RAI2: variants seen among roughly 807,000 people sequenced by gnomAD.
RAI2 encodes the protein retinoic acid induced 2, also known as retinoic acid-induced protein 2.
RAI2 carries 5 observed loss-of-function variants against 15.3 expected under a neutral mutation model. The observed-to-expected ratio is 0.33, with a 90% CI of 0.17 to 0.69. The LOEUF is 0.69. RAI2 is among the 30% of genes least tolerant of loss of function. RAI2 has a pLI of 0.69. For missense variants in RAI2, 424 were observed against 424.7 expected (o/e 1.00, Z 0.01); for synonymous variants, 191 against 184.0 (o/e 1.04, Z -0.31).
intron 1 of RAI2, among the ~76,000 whole-genome samples, chrX:17,836,156 C>T (rs2067332075): frequency 9.1e-6 from 1 of 110,391 alleles, no homozygotes; most frequent in African/African-American, 3.3e-5. Flanking sequence ...ACATGTCTAT[C>T]GTGCACAAAC....
At chrX:17,832,325 C>T (rs1476696288) in intron 1 of RAI2, among the ~76,000 whole-genome samples, 2 of 111,443 alleles carry the variant, frequency 1.8e-5, no homozygotes, top group East Asian at 5.7e-4. Context: ...GATCTCTTTT[C>T]GTTTCTGCAC....
chrX:17,809,373 T>C (rs1376075632), intron 1 of RAI2, among the ~76,000 whole-genome samples: 1 of 111,416 alleles, frequency 9.0e-6, no homozygotes, highest in East Asian at 2.8e-4. Context: ...TGATCTGATA[T>C]TTGTGAAAAA....
chrX:17,806,071 G>C (rs1260964064), intron 1 of RAI2, among the ~76,000 whole-genome samples: 1 of 112,070 alleles, frequency 8.9e-6, no homozygotes, highest in African/African-American at 3.2e-5. Context: ...TGCTGCAGGG[G>C]CTAATACTGG....
chrX:17,827,720 G>A (rs922693910), intron 1 of RAI2, among the ~76,000 whole-genome samples: 1 of 112,053 alleles, frequency 8.9e-6, no homozygotes, highest in Non-Finnish European at 1.9e-5. Flanking sequence ...AAGAACAGGT[G>A]GGTGGGATGG....
chrX:17,845,160 T>G (rs2067441352), intron 1 of RAI2, among the ~76,000 whole-genome samples: 1 of 112,494 alleles, frequency 8.9e-6, no homozygotes. Flanking sequence ...GAAGACTCAT[T>G]TTCTCTCTCA....
At chrX:17,831,946 A>G (rs780758977) in intron 1 of RAI2, among the ~76,000 whole-genome samples, 2 of 112,290 alleles carry the variant, frequency 1.8e-5, no homozygotes, top group East Asian at 5.6e-4. Context: ...CAGAGCTTCC[A>G]GAATTTTCCC....
chrX:17,836,742 G>T (rs1023504292), intron 1 of RAI2, among the ~76,000 whole-genome samples: 1 of 112,268 alleles, frequency 8.9e-6, no homozygotes, highest in Non-Finnish European at 1.9e-5. Flanking sequence ...GACAAAATTA[G>T]TGTATGTGCC....
In RAI2 at chrX:17,800,100, T is replaced by C. The variant is rs1212463782; in HGVS notation, c.*318A>G. Reference sequence around the variant, plus strand: ...AATATTCATCCTACCCTTTATTAGGTATTACATCATCAAAGCACTTTGTGG... The same window carrying C: ...AATATTCATCCTACCCTTTATTAGGCATTACATCATCAAAGCACTTTGTGG... On this transcript the variant is annotated 3_prime_UTR_variant, in exon 2 of 2. Coordinates refer to ENST00000451717, the MANE Select transcript of RAI2 (RefSeq NM_021785.6). The C allele has an allele frequency of 4.1e-5, 9 of 218,874 alleles. No individual in the cohort carries two copies. In the East Asian group the frequency reaches 7.7e-4, roughly 19 times the overall value. The allele number at this position is 218,874 out of a possible 1,213,427, so 18.0% of individuals were successfully genotyped here.
At chrX:17,817,960 C>T (rs1381501084) in intron 1 of RAI2, among the ~76,000 whole-genome samples, 2 of 111,971 alleles carry the variant, frequency 1.8e-5, no homozygotes, top group Admixed American at 9.4e-5. Flanking sequence ...CAAAAGCATC[C>T]TCCTCCTGCA....
At chrX:17,817,178 G>C (rs1339941626) in intron 1 of RAI2, among the ~76,000 whole-genome samples, 2 of 111,509 alleles carry the variant, frequency 1.8e-5, no homozygotes, top group African/African-American at 6.5e-5. Flanking sequence ...GTAATGCAGA[G>C]CTTCCTGGGA....
At chrX:17,849,937 C>T (rs568461640) in intron 1 of RAI2, among the ~76,000 whole-genome samples, 1 of 111,988 alleles carries the variant, frequency 8.9e-6, no homozygotes. Context: ...TAAACTCAAG[C>T]CTTCCATTTT....
intron 1 of RAI2, among the ~76,000 whole-genome samples, chrX:17,805,015 AGGCCC>A (rs1402606439): frequency 8.8e-6 from 1 of 113,088 alleles, no homozygotes; most frequent in Non-Finnish European, 1.9e-5. Flanking sequence ...ACCATTTGCC[AGGCCC>A]TCTGTTGAGA....
intron 1 of RAI2, among the ~76,000 whole-genome samples, chrX:17,826,624 T>G (rs1351633401): frequency 1.8e-5 from 2 of 111,328 alleles, no homozygotes; most frequent in Middle Eastern, 4.2e-3. Flanking sequence ...TACCAAATAT[T>G]GAATAGTGAA....
chrX:17,849,761 T>C (rs2067505769), intron 1 of RAI2, among the ~76,000 whole-genome samples: 1 of 112,865 alleles, frequency 8.9e-6, no homozygotes, highest in Non-Finnish European at 1.9e-5. Flanking sequence ...AGTGTAATTC[T>C]GAAGCAATAC....
intron 1 of RAI2, among the ~76,000 whole-genome samples, chrX:17,840,601 A>G (rs1425983886): frequency 2.7e-5 from 3 of 111,411 alleles, no homozygotes; most frequent in Non-Finnish European, 5.7e-5. Context: ...TCAATAATGA[A>G]AGCTTATGTC....
chrX:17,821,163 G>A (rs1183200636), intron 1 of RAI2, among the ~76,000 whole-genome samples: 1 of 112,099 alleles, frequency 8.9e-6, no homozygotes. Flanking sequence ...TCTATACATG[G>A]TCCACTTTTT....
At chrX:17,831,329 G>A (rs961917092) in intron 1 of RAI2, among the ~76,000 whole-genome samples, 1 of 111,566 alleles carries the variant, frequency 9.0e-6, no homozygotes, top group African/African-American at 3.3e-5. Context: ...TCTTACAACA[G>A]CTGCCATATA....
intron 1 of RAI2, among the ~76,000 whole-genome samples, chrX:17,813,651 A>T (rs1309463009): frequency 1.8e-5 from 2 of 111,628 alleles, no homozygotes. Context: ...TCAATTATTC[A>T]TTCCTTTACA....
chrX:17,858,938 T>C lies in RAI2; in HGVS notation c.-25+2160A>G, dbSNP rs778139342. On this transcript the variant is annotated intron_variant, in intron 1 of 1. Transcript: ENST00000451717. ...ACCCCCAAGTTCCAGTCTGACTTGG[T>C]TCATAGTGCCTGGGCTGCCCTGGGG... Among the ~76,000 whole-genome samples the C allele has an allele frequency of 2.7e-5, 3 of 111,334 alleles. No individual in the cohort carries two copies. In the South Asian group the frequency reaches 1.1e-3, roughly 43 times the overall value.
Sources: allele counts gnomAD v4.1 joint callset (sites outside exome capture counted in the v4.1 genomes callset), GRCh38; gene constraint gnomAD v4.1.1; transcripts MANE v1.5; gene names NCBI Gene and HGNC (gene_info 2026-07-23, HGNC 2026-07-21).